The following GAB2 variants were observed in gnomAD, a reference collection of about 807,000 sequenced individuals.
The protein encoded by GAB2 is GRB2 associated binding protein 2.
GAB2 carries 26 observed loss-of-function variants against 65.5 expected under a neutral mutation model. The observed-to-expected ratio is 0.40, with a 90% CI of 0.29 to 0.55. The LOEUF (loss-of-function observed/expected upper bound fraction) is 0.55, where lower values mean the gene tolerates loss of function less well. Among genes scored for constraint, GAB2 ranks in the 20% least tolerant of loss-of-function variants. The pLI is 0.53. For synonymous variants in GAB2, 321 were observed against 329.6 expected (o/e 0.97, Z 0.28); for missense variants, 884 against 875.8 (o/e 1.01, Z -0.12).
chr11:78,314,121 C>T (rs1004585705), intron 1 of GAB2, among the ~76,000 whole-genome samples: 1 of 152,206 alleles, frequency 6.6e-6, no homozygotes, highest in Non-Finnish European at 1.5e-5. Flanking sequence ...ATTCACTGAG[C>T]CCTGAGTCAG....
intron 1 of GAB2, among the ~76,000 whole-genome samples, chr11:78,292,620 G>A (rs972791596): frequency 1.8e-4 from 28 of 152,118 alleles, no homozygotes; most frequent in African/African-American, 5.6e-4. Flanking sequence ...TGCCAGTCTC[G>A]TGTCCCATAA....
chr11:78,318,330 C>A (rs1855653046), intron 1 of GAB2: 1 of 120,636 alleles, frequency 8.3e-6, no homozygotes. Flanking sequence ...CGGTGGGAGC[C>A]AGTCAGGAAA....
chr11:78,278,598 C>G (rs3018313), intron 2 of GAB2, among the ~76,000 whole-genome samples: 1 of 151,064 alleles, frequency 6.6e-6, no homozygotes, highest in South Asian at 2.1e-4. Context: ...AGGATGGTCT[C>G]GAACTCCAGG....
At chr11:78,239,801 G>C (rs1203399850) in intron 3 of GAB2, among the ~76,000 whole-genome samples, 1 of 152,182 alleles carries the variant, frequency 6.6e-6, no homozygotes, top group African/African-American at 2.4e-5. Context: ...ACTAAGCCCA[G>C]TGAAGGAAGT....
At chr11:78,413,731 T>C (rs985455189) in intron 1 of GAB2, among the ~76,000 whole-genome samples, 2 of 152,224 alleles carry the variant, frequency 1.3e-5, no homozygotes, top group Admixed American at 6.5e-5. Context: ...AAAGTATAAG[T>C]AGCAGGATTA....
chr11:78,374,822 A>T (rs1211218976), intron 1 of GAB2, among the ~76,000 whole-genome samples: 1 of 152,190 alleles, frequency 6.6e-6, no homozygotes, highest in African/African-American at 2.4e-5. Context: ...AGAACATTTT[A>T]TGGGTTTATT....
At chr11:78,347,863 C>T (rs1318844593) in intron 1 of GAB2, among the ~76,000 whole-genome samples, 1 of 152,150 alleles carries the variant, frequency 6.6e-6, no homozygotes, top group Non-Finnish European at 1.5e-5. Flanking sequence ...CCTTGAACAA[C>T]ATGGGGGTTA....
chr11:78,258,317 C>T (rs1054284611), intron 2 of GAB2, among the ~76,000 whole-genome samples: 3 of 152,210 alleles, frequency 2.0e-5, no homozygotes, highest in Non-Finnish European at 4.4e-5. Flanking sequence ...AAAGGCAAAG[C>T]AGGCTTTGAG....
At chr11:78,287,734 C>T (rs1271491517) in intron 1 of GAB2, among the ~76,000 whole-genome samples, 2 of 151,558 alleles carry the variant, frequency 1.3e-5, no homozygotes, top group African/African-American at 2.4e-5. Context: ...CTGCAAGCTC[C>T]GCTTCCTGGG....
chr11:78,303,711 G>A (rs1867094939), intron 1 of GAB2, among the ~76,000 whole-genome samples: 1 of 152,172 alleles, frequency 6.6e-6, no homozygotes, highest in African/African-American at 2.4e-5. Flanking sequence ...GAGAAGTGCT[G>A]GGATTTTGAC....
At chr11:78,294,997 A>G (rs1274326229) in intron 1 of GAB2, among the ~76,000 whole-genome samples, 1 of 152,228 alleles carries the variant, frequency 6.6e-6, no homozygotes, top group Non-Finnish European at 1.5e-5. Flanking sequence ...TCATCTGACA[A>G]AGGGCTGATA....
intron 1 of GAB2, among the ~76,000 whole-genome samples, chr11:78,311,701 T>C (rs533528023): frequency 6.6e-6 from 1 of 152,204 alleles, no homozygotes; most frequent in Non-Finnish European, 1.5e-5. Context: ...CTCCATGCAT[T>C]TGTTTATTCA....
rs1866305357 is a variant in GAB2 at position 78,280,531 on chromosome 11, C to G, written c.376+70G>C. The G allele has an allele frequency of 1.4e-5, 17 of 1,247,828 alleles. 1 individual carries two copies. In the South Asian group the frequency reaches 2.3e-4, roughly 17 times the overall value. 77.3% of individuals were successfully genotyped at this position (1,247,828 alleles called of 1,614,324 possible). ...CAGGAAACCTTAGCTAGAGCCTGCT[C>G]TCAATGCTCCAGGAATCCAAGGGCC... On this transcript the variant is annotated intron_variant, in intron 2 of 9. Coordinates refer to ENST00000361507, the MANE Select transcript of GAB2 (RefSeq NM_080491.3).
intron 1 of GAB2, among the ~76,000 whole-genome samples, chr11:78,358,993 T>A (rs1356138358): frequency 1.3e-5 from 2 of 152,060 alleles, no homozygotes; most frequent in Non-Finnish European, 2.9e-5. Context: ...GTTAAACAGA[T>A]TAAATAGAGC....
intron 1 of GAB2, among the ~76,000 whole-genome samples, chr11:78,377,520 C>T (rs367921233): frequency 6.6e-5 from 10 of 152,118 alleles, no homozygotes; most frequent in African/African-American, 1.7e-4. Flanking sequence ...AACATTGAGT[C>T]GGTAGCAGGG....
chr11:78,283,387 G>T (rs145384222), intron 1 of GAB2, among the ~76,000 whole-genome samples: 1 of 152,174 alleles, frequency 6.6e-6, no homozygotes, highest in East Asian at 1.9e-4. Context: ...TTTTCCTCCT[G>T]ACTAGGATGA....
At chr11:78,241,718 C>G (rs1219740082) in intron 3 of GAB2, among the ~76,000 whole-genome samples, 1 of 151,912 alleles carries the variant, frequency 6.6e-6, no homozygotes, top group Non-Finnish European at 1.5e-5. Flanking sequence ...GAAAGAATAT[C>G]TGAACTTGAA....
rs960333920 is a variant in GAB2 at position 78,273,155 on chromosome 11, C to A, written c.376+7446G>T. 3.3e-5 allele frequency among the ~76,000 whole-genome samples: 5 copies of A among 152,368 alleles called. No individual in the cohort carries two copies. In the East Asian group the frequency reaches 5.8e-4, roughly 18 times the overall value. ...AAGGGAAATGTGGGGTCAGAGCCCC[C>A]ACACAGAGTCCCTTCTGGGGCACCG... On this transcript the variant is annotated intron_variant, in intron 2 of 9. Coordinates refer to ENST00000361507, the MANE Select transcript of GAB2 (RefSeq NM_080491.3).
At chr11:78,289,243 T>A (rs1488036753) in intron 1 of GAB2, among the ~76,000 whole-genome samples, 1 of 152,122 alleles carries the variant, frequency 6.6e-6, no homozygotes, top group African/African-American at 2.4e-5. Context: ...CTACTAAAAA[T>A]TTTAATATAA....
Sources: gnomAD v4.1 joint callset for allele counts (sites outside exome capture counted in the v4.1 genomes callset) on GRCh38, gnomAD v4.1.1 for gene constraint, MANE v1.5 for transcripts, NCBI Gene and HGNC (gene_info 2026-07-23, HGNC 2026-07-21) for gene names.